IGFN1: variants seen among roughly 807,000 people sequenced by gnomAD.
IGFN1 encodes the protein immunoglobulin like and fibronectin type III domain containing 1, also known as immunoglobulin-like and fibronectin type III domain-containing protein 1.
A neutral mutation model predicts 289.5 loss-of-function variants in IGFN1; 253 were observed. The ratio of observed to expected loss-of-function variants is 0.87; its 90% CI spans 0.79 to 0.97. The LOEUF (loss-of-function observed/expected upper bound fraction) is 0.97, where lower values mean the gene tolerates loss of function less well. Among genes scored for constraint, IGFN1 ranks in the 50% least tolerant of loss-of-function variants. The pLI is 0.00. For missense variants in IGFN1, 4,470 were observed against 4,686.1 expected (o/e 0.95, Z 1.35); for synonymous variants, 1,706 against 1,788.5 (o/e 0.95, Z 1.16).
chr1:201,227,908 A>G lies in IGFN1; in HGVS notation c.11114-478A>G, dbSNP rs947765604. On this transcript the variant is annotated intron_variant, in intron 23 of 23. Transcript: ENST00000335211. ...GTCAAGATATGAACACTTAGTGCCT[A>G]GAAAGCCATGCTGATTCTCTCATTG... Among the ~76,000 whole-genome samples the G allele has an allele frequency of 1.1e-4, 16 of 152,248 alleles. 1 individual carries two copies. Among genetic ancestry groups the G allele is most frequent in the Admixed American group, 9.8e-4 (15 of 15,290 alleles).
Position 201,206,396 on chromosome 1 carries a change from T to C in IGFN1, c.1503T>C (p.Thr501=). The C allele has an allele frequency of 6.4e-7, 1 of 1,550,764 alleles. No individual in the cohort carries two copies. The highest frequency in any genetic ancestry group is 8.7e-7 in the Non-Finnish European group (1 of 1,146,970). Residue 501 remains threonine (T), a synonymous_variant, in exon 12 of 24, where the codon ACT becomes ACC. Transcript: ENST00000335211. ...CAGTAGCAGAGGGAAGCAGAGCCAC[T>C]CTTCCCAGGGAAAATCAATCCCACA... The part of the protein sequence containing the change: ...GFPVAEGSRA[T]LPRENQSHRE...
intron 9 of IGFN1, among the ~76,000 whole-genome samples, chr1:201,202,719 C>T (rs190700992): frequency 1.9e-4 from 14 of 74,996 alleles, no homozygotes; most frequent in African/African-American, 6.9e-4. Context: ...CTTTCTTCCT[C>T]CCTCCCTCCC....
rs377263806 is a variant in IGFN1 at position 201,207,800 on chromosome 1, C to T, written c.2907C>T (p.Ser969=). Residue 969 remains serine (S), a synonymous_variant, in exon 12 of 24, where the codon AGC becomes AGT. Transcript: ENST00000335211. ...ATTCTAGGGAAATAAGCTCTAAAAG[C>T]GGGGCTGGTTATAGCTATGGCTCAG... ...LGYSREISSK[S]GAGYSYGSGV... The T allele has an allele frequency of 2.5e-5, 39 of 1,535,848 alleles. No homozygotes were observed. In the Middle Eastern group the frequency reaches 5.0e-4, roughly 20 times the overall value.
chr1:201,218,660 T>C lies in IGFN1; in HGVS notation c.9898+2T>C. 1 of 1,601,590 alleles carries C rather than the reference T, an allele frequency of 6.2e-7. No homozygotes were observed. On this transcript the variant is annotated splice_donor_variant, in intron 18 of 23. Transcript: ENST00000335211. LOFTEE classifies it high-confidence loss of function. The stretch of plus-strand genomic sequence containing the variant: ...CTGTCTTTGCTCGGGACCCCATGAG[T>C]AAGTAGGGCACCAACCCAGGATGGG...
At position 201,225,809 on chromosome 1, in the gene IGFN1, C is replaced by T; in HGVS notation, c.10487-15C>T. ...GTCCCCTCCACGTGACCTCCCTCTG[C>T]CGTCTCTCCTGAAGCATGCCCGCAG... On this transcript the variant is annotated splice_polypyrimidine_tract_variant and intron_variant, in intron 21 of 23. Coordinates refer to ENST00000335211, the MANE Select transcript of IGFN1 (RefSeq NM_001164586.2). 1 of 1,599,020 alleles carries T rather than the reference C, an allele frequency of 6.3e-7. No homozygotes were observed. The highest frequency in any genetic ancestry group is 1.1e-5 in the South Asian group (1 of 88,886).
At position 201,207,348 on chromosome 1, in the gene IGFN1, TG is replaced by T. The variant is rs1667475187; in HGVS notation, c.2457del (p.Trp819Ter). On this transcript the variant is annotated frameshift_variant, in exon 12 of 24. Transcript: ENST00000335211. LOFTEE classifies it high-confidence loss of function. The stretch of plus-strand genomic sequence containing the variant: ...CAGAAGCTTCCAGTCTTCCCAGGGC[TG>T]GACAGCAGGTCACAGAGCAGCAGGG... ...DPRSFQSSQG[W>X]TAGHRAAGGI... 2.0e-6 allele frequency: 3 copies of T among 1,536,908 alleles called. No homozygotes were observed. Among genetic ancestry groups the T allele is most frequent in the Non-Finnish European group, 2.6e-6 (3 of 1,146,874 alleles).
At position 201,219,772 on chromosome 1, in the gene IGFN1, C is replaced by T. The variant is rs531756223; in HGVS notation, c.9898+1114C>T. The stretch of plus-strand genomic sequence containing the variant: ...CCCAACAAGACCGAAACATTCTGTA[C>T]ATTTCATTGTTCAAGTGGTATCTGA... On this transcript the variant is annotated intron_variant, in intron 18 of 23. Coordinates refer to ENST00000335211, the MANE Select transcript of IGFN1 (RefSeq NM_001164586.2). 2.0e-5 allele frequency among the ~76,000 whole-genome samples: 3 copies of T among 152,308 alleles called. 1 individual carries two copies. In the South Asian group the frequency reaches 6.2e-4, roughly 32 times the overall value.
At position 201,208,164 on chromosome 1, in the gene IGFN1, C is replaced by T; in HGVS notation, c.3271C>T (p.Leu1091Phe). ...GVTGSAGRGG[L>F]KAPGVVETVG... is the part of the protein sequence containing the mutation. ...GACAGGGTCTGCGGGTAGAGGTGGT[C>T]TCAAGGCCCCTGGAGTAGTGGAGAC... The change falls in exon 12 of 24, where the codon CTC becomes TTC. Residue 1091 changes from leucine to phenylalanine, a missense_variant. By Grantham distance (22) the Leu-to-Phe change is conservative. This residue lies in a region of IGFN1 where 2,011 missense variants were observed against 1,953.4 expected (regional missense o/e 1.03). Coordinates refer to ENST00000335211, the MANE Select transcript of IGFN1 (RefSeq NM_001164586.2). The T allele has an allele frequency of 6.5e-7, 1 of 1,536,906 alleles. No homozygotes were observed. Among genetic ancestry groups the T allele is most frequent in the African/African-American group, 1.4e-5 (1 of 73,074 alleles).
At chr1:201,197,485 T>C (rs1016720060) in intron 5 of IGFN1, among the ~76,000 whole-genome samples, 168 bp downstream of exon 5, 2 of 152,244 alleles carry the variant, frequency 1.3e-5, no homozygotes, top group African/African-American at 4.8e-5. Context: ...TTCATCCACA[T>C]GCACACTGAG....
At chr1:201,224,473 C>T (rs10920145) in intron 20 of IGFN1, among the ~76,000 whole-genome samples, 45,262 of 152,050 alleles carry the variant, frequency 0.3, 9,811 homozygotes, top group African/African-American at 0.62. Context: ...TACCGCCCCC[C>T]TACCATACCC....
At chr1:201,216,381 TGGG>T in intron 15 of IGFN1, 70 bp from the exon 16 acceptor site, 1 of 1,209,656 alleles carries the variant, frequency 8.3e-7, no homozygotes, top group Non-Finnish European at 1.1e-6. Flanking sequence ...GGCGGGGAGT[TGGG>T]GGGGTTGGCG....
chr1:201,200,498 G>A, intron 8 of IGFN1, 87 bp downstream of exon 8: 1 of 1,130,626 alleles, frequency 8.8e-7, no homozygotes, highest in Non-Finnish European at 1.3e-6. Flanking sequence ...TGGGCTTGGA[G>A]GCAGAACTTA....
intron 4 of IGFN1, among the ~76,000 whole-genome samples, 195 bp downstream of exon 4, chr1:201,196,173 T>C (rs1666910532): frequency 6.6e-6 from 1 of 152,232 alleles, no homozygotes; most frequent in African/African-American, 2.4e-5. Flanking sequence ...ATACCTCTGC[T>C]GATAACCTGG....
intron 18 of IGFN1, among the ~76,000 whole-genome samples, chr1:201,218,866 G>A (rs750639255): frequency 3.9e-5 from 6 of 152,084 alleles, no homozygotes; most frequent in Non-Finnish European, 7.4e-5. Context: ...CCAGAAGCCA[G>A]GCAGTGGGAT....
chr1:201,220,206 C>T (rs1388049492), intron 18 of IGFN1, among the ~76,000 whole-genome samples: 1 of 143,944 alleles, frequency 6.9e-6, no homozygotes, highest in Admixed American at 7.1e-5. Flanking sequence ...CTCTCTCTAA[C>T]AGGGTCCACT....
intron 20 of IGFN1, among the ~76,000 whole-genome samples, chr1:201,223,991 G>A (rs972213287): frequency 5.3e-5 from 8 of 152,148 alleles, no homozygotes; most frequent in African/African-American, 1.9e-4. Flanking sequence ...TGTTCTCTCT[G>A]CTTTCCGTGT....
rs768276802 is a variant in IGFN1 at position 201,224,717 on chromosome 1, C to T, written c.10329C>T (p.Gly3443=). The T allele has an allele frequency of 6.2e-7, 1 of 1,614,216 alleles. No homozygotes were observed. The highest frequency in any genetic ancestry group is 1.1e-5 in the South Asian group (1 of 91,084). Reference sequence around the variant, plus strand: ...CTGAGGTGACCTGGCTGAAGGATGGCTTGCCCTTGCCCAAAAGAAGTGTGA... The same window carrying T: ...CTGAGGTGACCTGGCTGAAGGATGGTTTGCCCTTGCCCAAAAGAAGTGTGA... The part of the protein sequence containing the change: ...PMPEVTWLKD[G]LPLPKRSVTV... Residue 3443 remains glycine, a synonymous_variant, in exon 21 of 24, where the codon GGC becomes GGT. Transcript: ENST00000335211.
rs563754393 is a variant in IGFN1 at position 201,194,259 on chromosome 1, C to T, written c.113C>T (p.Ser38Leu). Residue 38 changes from serine to leucine, a missense_variant, in exon 3 of 24, where the codon TCG becomes TTG. Physicochemically the swap from Ser to Leu is moderately radical, Grantham distance 145. This residue lies in a region of IGFN1 where 2,011 missense variants were observed against 1,953.4 expected (regional missense o/e 1.03). Coordinates refer to ENST00000335211, the MANE Select transcript of IGFN1 (RefSeq NM_001164586.2). ...GACTTTGAGCAGAAGCCCGTCACCT[C>T]GGCTCTGCCAGAGGGTGAGCCCAGA... ...TPDFEQKPVT[S>L]ALPEGKNAVF... 3.2e-6 allele frequency: 5 copies of T among 1,551,452 alleles called. No individual in the cohort carries two copies. The highest frequency in any genetic ancestry group is 2.4e-5 in the South Asian group (2 of 84,060).
intron 13 of IGFN1, 83 bp from the exon 14 acceptor site, chr1:201,214,930 T>A: frequency 7.1e-7 from 1 of 1,406,978 alleles, no homozygotes; most frequent in Non-Finnish European, 9.8e-7. Flanking sequence ...GATCCCAGCA[T>A]CAGTAAAGGG....
Sources: allele counts gnomAD v4.1 joint callset (sites outside exome capture counted in the v4.1 genomes callset), GRCh38; gene constraint gnomAD v4.1.1; regional missense constraint gnomAD v4.1.1; transcripts MANE v1.5; gene names NCBI Gene and HGNC (gene_info 2026-07-23, HGNC 2026-07-21).